Variants in HMCN2 observed in about 807,000 individuals in gnomAD.
HMCN2 encodes the protein hemicentin-2.
In HMCN2, 325 loss-of-function variants were observed where a neutral mutation model predicts 377.5. The observed-to-expected ratio is 0.86, with a 90% CI of 0.79 to 0.94. The LOEUF (loss-of-function observed/expected upper bound fraction) is 0.94, where lower values mean the gene tolerates loss of function less well. Among genes scored for constraint, HMCN2 ranks in the 40% least tolerant of loss-of-function variants. HMCN2 has a pLI of 0.00. For missense variants in HMCN2, 4,543 were observed against 4,725.3 expected, an observed-to-expected ratio of 0.96 and a Z score of 1.13; for synonymous variants, 2,007 against 2,046.8, an observed-to-expected ratio of 0.98 and a Z score of 0.53.
At chr9:130,310,541 T>C (rs1180434082) in intron 15 of HMCN2, among the ~76,000 whole-genome samples, 2 of 152,182 alleles carry the variant, frequency 1.3e-5, no homozygotes, top group Admixed American at 1.3e-4. Flanking sequence ...TTCTGCCCTA[T>C]TCTTTTGGTC....
In HMCN2 at chr9:130,356,124, T is replaced by A; in HGVS notation, c.5292T>A (p.Ala1764=). ...ATGGCCGCCCAGCCGAGGAGCTGGC[T>A]GGGGTGCAGGTGGCCTCGCAGGGGA... The part of the protein sequence containing the change: ...LQNGRPAEEL[A]GVQVASQGTT... The change falls in exon 34 of 98, where the codon GCT becomes GCA. Residue 1764 remains alanine, a synonymous_variant. Coordinates refer to ENST00000683500, the MANE Select transcript of HMCN2 (RefSeq NM_001291815.2). 1 of 1,299,784 alleles carries A rather than the reference T, an allele frequency of 7.7e-7. No individual in the cohort carries two copies. The highest frequency in any genetic ancestry group is 1.0e-6 in the Non-Finnish European group (1 of 988,020). 80.5% of individuals were successfully genotyped at this position (1,299,784 alleles called of 1,614,324 possible). A position where few individuals can be genotyped will look rare whatever the true frequency, so the allele number is the denominator to read the frequency against.
intron 56 of HMCN2, 60 bp from the exon 57 acceptor site, chr9:130,383,444 G>T (rs926504821): frequency 3.9e-6 from 3 of 766,358 alleles, no homozygotes; most frequent in Non-Finnish European, 4.8e-6. Context: ...GTCATTCCTG[G>T]GGGTGGTGGT....
chr9:130,425,933 C>T lies in HMCN2; in HGVS notation c.13879+9C>T, dbSNP rs979480669. On this transcript the variant is annotated intron_variant, in intron 90 of 97. Coordinates refer to ENST00000683500, the MANE Select transcript of HMCN2 (RefSeq NM_001291815.2). The stretch of plus-strand genomic sequence containing the variant: ...TACAGCCCTGCAGGCGGGTGAGGCC[C>T]CTCTGCTTTGTTCCACCCCCACTGC... The T allele has an allele frequency of 1.7e-5, 26 of 1,541,218 alleles. No individual in the cohort carries two copies. The African/African-American group carries it at 3.3e-4, about 20-fold the overall frequency.
chr9:130,429,556 G>A lies in HMCN2; in HGVS notation c.14198-1G>A. 1 of 1,550,424 alleles carries A rather than the reference G, an allele frequency of 6.4e-7. No individual in the cohort carries two copies. Among genetic ancestry groups the A allele is most frequent in the Non-Finnish European group, 8.7e-7 (1 of 1,146,860 alleles). On this transcript the variant is annotated splice_acceptor_variant, in intron 93 of 97. Coordinates refer to ENST00000683500, the MANE Select transcript of HMCN2 (RefSeq NM_001291815.2). LOFTEE classifies it high-confidence loss of function. ...CCACCGACCATGCCCCTGCCTCCCAGATGTGGACGAATGCCTGGAGGGGTT... is the reference window on the plus strand; with the variant it reads ...CCACCGACCATGCCCCTGCCTCCCAAATGTGGACGAATGCCTGGAGGGGTT...
At chr9:130,380,152 T>TA (rs1564835539) in intron 54 of HMCN2, among the ~76,000 whole-genome samples, 4 of 152,174 alleles carry the variant, frequency 2.6e-5, no homozygotes, top group Non-Finnish European at 5.9e-5. Flanking sequence ...CATGCTGGGA[T>TA]TATAGGCGTG....
chr9:130,354,849 A>G lies in HMCN2; in HGVS notation c.4951A>G (p.Arg1651Gly), dbSNP rs1298281361. 2 of 1,304,148 alleles carry G rather than the reference A, an allele frequency of 1.5e-6. No homozygotes were observed. Among genetic ancestry groups the G allele is most frequent in the Admixed American group, 4.6e-5 (2 of 43,554 alleles). 80.8% of individuals were successfully genotyped at this position (1,304,148 alleles called of 1,614,324 possible). Residue 1651 changes from arginine to glycine, a missense_variant, in exon 32 of 98, where the codon AGA becomes GGA. Around this residue, in one of 5 missense-constraint regions of HMCN2, gnomAD observed 1,032 missense variants for 1,285.1 expected, o/e 0.80. Coordinates refer to ENST00000683500, the MANE Select transcript of HMCN2 (RefSeq NM_001291815.2). ...GRPVALECVA[R>G]GHPSPTLSWH... is the part of the protein sequence containing the mutation. ...GCCTGTGGCGCTGGAGTGCGTGGCC[A>G]GAGGCCACCCGTCCCCCACCCTCTC...
At chr9:130,402,763 C>G in intron 77 of HMCN2, 26 bp from the exon 78 acceptor site, 2 of 1,278,848 alleles carry the variant, frequency 1.6e-6, no homozygotes, top group South Asian at 2.5e-5. Context: ...CTGTCCTGAT[C>G]CCCTCACCCT....
chr9:130,391,673 G>A, intron 65 of HMCN2, 99 bp downstream of exon 65: 2 of 964,890 alleles, frequency 2.1e-6, no homozygotes, highest in Non-Finnish European at 1.2e-6. Flanking sequence ...TGGGCCACGG[G>A]TCTCACTTCC....
intron 77 of HMCN2, among the ~76,000 whole-genome samples, chr9:130,402,543 T>C (rs1047785257): frequency 6.6e-6 from 1 of 152,202 alleles, no homozygotes; most frequent in African/African-American, 2.4e-5. Flanking sequence ...TGATTCTTCA[T>C]TGTGCACATG....
intron 81 of HMCN2, 47 bp downstream of exon 81, chr9:130,405,106 C>T (rs1408755327): frequency 4.1e-6 from 5 of 1,209,606 alleles, no homozygotes; most frequent in Non-Finnish European, 5.3e-6. Context: ...TGGCTGAGAC[C>T]CCTGTTTGTC....
At chr9:130,314,731 G>A (rs975595304) in intron 15 of HMCN2, among the ~76,000 whole-genome samples, 6 of 152,304 alleles carry the variant, frequency 3.9e-5, no homozygotes, top group Admixed American at 6.5e-5. Context: ...CCCTGCCCCC[G>A]TGCTCTGAGC....
At chr9:130,430,801 C>T in intron 95 of HMCN2, 197 bp downstream of exon 95, 1 of 590,384 alleles carries the variant, frequency 1.7e-6, no homozygotes, top group Non-Finnish European at 3.0e-6. Context: ...CAGGGGGCTT[C>T]CAAGATGGTG....
chr9:130,312,537 C>T (rs1462747525), intron 15 of HMCN2, among the ~76,000 whole-genome samples: 2 of 17,134 alleles, frequency 1.2e-4, no homozygotes, highest in African/African-American at 3.7e-4. Flanking sequence ...CCCTCCCTCC[C>T]TCCTTTCTTT....
intron 15 of HMCN2, among the ~76,000 whole-genome samples, chr9:130,313,463 T>G (rs999757403): frequency 2.0e-5 from 3 of 152,214 alleles, no homozygotes; most frequent in Non-Finnish European, 4.4e-5. Context: ...CCTGCATTAT[T>G]TGCCTCTCGG....
At chr9:130,297,677 T>C (rs1032448295) in intron 7 of HMCN2, among the ~76,000 whole-genome samples, 2 of 152,220 alleles carry the variant, frequency 1.3e-5, no homozygotes, top group African/African-American at 4.8e-5. Flanking sequence ...TCTGCTCTAA[T>C]GTTTGTTATT....
Position 130,374,598 on chromosome 9 carries a change from TC to T in HMCN2, c.7537del (p.Leu2513SerfsTer48). 2 of 985,592 alleles carry T rather than the reference TC, an allele frequency of 2.0e-6. No individual in the cohort carries two copies. The highest frequency in any genetic ancestry group is 2.4e-6 in the Non-Finnish European group (2 of 829,816). The allele number at this position is 985,592 out of a possible 1,614,324, so 61.1% of individuals were successfully genotyped here. Reference sequence around the variant, plus strand: ...TCCCCAGACGGAGTCCTCCTGCAGGTCCTCCAGGCAAACCTGTCCAGTGCTG... The same window carrying T: ...TCCCCAGACGGAGTCCTCCTGCAGGTCTCCAGGCAAACCTGTCCAGTGCTG... ...HISPDGVLLQ[V>X]LQANLSSAGH... On this transcript the variant is annotated frameshift_variant, in exon 49 of 98. Transcript: ENST00000683500. LOFTEE classifies it high-confidence loss of function.
chr9:130,409,703 T>C (rs1843312266), intron 84 of HMCN2, among the ~76,000 whole-genome samples: 1 of 152,184 alleles, frequency 6.6e-6, no homozygotes, highest in Non-Finnish European at 1.5e-5. Flanking sequence ...ATCACTCCCA[T>C]TTTACAGAAG....
chr9:130,425,950 C>G (rs2131817886), intron 90 of HMCN2, 26 bp downstream of exon 90: 1 of 1,499,488 alleles, frequency 6.7e-7, no homozygotes, highest in East Asian at 2.5e-5. Flanking sequence ...TTTGTTCCAC[C>G]CCCACTGCCC....
chr9:130,405,929 C>T lies in HMCN2; in HGVS notation c.12340-26C>T, dbSNP rs930914959. 34 of 1,270,254 alleles carry T rather than the reference C, an allele frequency of 2.7e-5. No homozygotes were observed. The East Asian group carries it at 5.7e-4, about 21-fold the overall frequency. The allele number at this position is 1,270,254 out of a possible 1,614,324, so 78.7% of individuals were successfully genotyped here. A position where few individuals can be genotyped will look rare whatever the true frequency, so the allele number is the denominator to read the frequency against. On this transcript the variant is annotated intron_variant, in intron 81 of 97. Coordinates refer to ENST00000683500, the MANE Select transcript of HMCN2 (RefSeq NM_001291815.2). ...CCTATGCCGAGGTGGGGCAGTTCTC[C>T]GGCCAACCCCTTTCTTTGCTCACAG...
Sources: gnomAD v4.1 joint callset for allele counts (sites outside exome capture counted in the v4.1 genomes callset) on GRCh38, gnomAD v4.1.1 for gene constraint, gnomAD v4.1.1 regional missense constraint, MANE v1.5 for transcripts, NCBI Gene and HGNC (gene_info 2026-07-23, HGNC 2026-07-21) for gene names.